PAFAH1B1: variants seen among roughly 807,000 people sequenced by gnomAD.
PAFAH1B1 encodes platelet-activating factor acetylhydrolase IB subunit beta.
PAFAH1B1 carries 2 observed loss-of-function variants against 57.5 expected under a neutral mutation model. The observed-to-expected ratio is 0.03, with a 90% CI of 0.01 to 0.11. The LOEUF is 0.11. Among genes scored for constraint, PAFAH1B1 ranks in the 10% least tolerant of loss-of-function variants. PAFAH1B1 has a pLI of 1.00. For missense variants in PAFAH1B1, 257 were observed against 512.0 expected, an observed-to-expected ratio of 0.50 and a Z score of 4.81; for synonymous variants, 152 against 169.6, an observed-to-expected ratio of 0.90 and a Z score of 0.81.
Position 2,599,656 on chromosome 17 carries a change from A to G in PAFAH1B1, c.-191+5650A>G, listed in dbSNP as rs74615103. On this transcript the variant is annotated intron_variant, in intron 1 of 10. Coordinates refer to ENST00000397195, the MANE Select transcript of PAFAH1B1 (RefSeq NM_000430.4). Reference sequence around the variant, plus strand: ...CAAGAGAATTAAGGTGATGGAGGAAAGAGTGGCTGCATTTCGTATACAGAG... The same window carrying G: ...CAAGAGAATTAAGGTGATGGAGGAAGGAGTGGCTGCATTTCGTATACAGAG... Among the ~76,000 whole-genome samples the G allele has an allele frequency of 6.6e-3, 999 of 152,338 alleles. 16 individuals are homozygous for G. The highest frequency in any genetic ancestry group is 0.022 in the African/African-American group (927 of 41,568).
rs1007661026 is a variant in PAFAH1B1 at position 2,638,221 on chromosome 17, A to G, written c.-68A>G. On this transcript the variant is annotated 5_prime_UTR_variant, in exon 2 of 11. Transcript: ENST00000397195. ...ATTTAAATTATAAGTCCACGGATCA[A>G]AAAGCTTTTTGATTTCCCAAAGGAG... The G allele has an allele frequency of 1.6e-5, 21 of 1,351,678 alleles. No homozygotes were observed. Among genetic ancestry groups the G allele is most frequent in the Middle Eastern group, 2.5e-4 (1 of 4,000 alleles). 83.7% of individuals were successfully genotyped at this position (1,351,678 alleles called of 1,614,324 possible). A position where few individuals can be genotyped will look rare whatever the true frequency, so the allele number is the denominator to read the frequency against.
chr17:2,615,429 A>G (rs1313081244), intron 1 of PAFAH1B1, among the ~76,000 whole-genome samples: 1 of 152,170 alleles, frequency 6.6e-6, no homozygotes, highest in Admixed American at 6.6e-5. Flanking sequence ...CGAAGACAAA[A>G]GTAGGAAACT....
At chr17:2,638,374 T>C in intron 2 of PAFAH1B1, 54 bp downstream of exon 2, 24 of 1,445,626 alleles carry the variant, frequency 1.7e-5, no homozygotes, top group Non-Finnish European at 2.3e-5. Flanking sequence ...AGAGAGAAAG[T>C]AGTAAATTAA....
At chr17:2,645,488 G>A (rs933571885) in intron 2 of PAFAH1B1, among the ~76,000 whole-genome samples, 5 of 151,550 alleles carry the variant, frequency 3.3e-5, no homozygotes, top group African/African-American at 1.2e-4. Flanking sequence ...AGCTAGTCGG[G>A]AGGCTGAGGC....
intron 2 of PAFAH1B1, among the ~76,000 whole-genome samples, chr17:2,653,896 C>G (rs918440393): frequency 1.3e-5 from 2 of 152,110 alleles, no homozygotes; most frequent in Admixed American, 1.3e-4. Context: ...GCAACCTCCA[C>G]CTCCTGGGTT....
At chr17:2,622,679 A>G (rs1234514522) in intron 1 of PAFAH1B1, among the ~76,000 whole-genome samples, 2 of 151,946 alleles carry the variant, frequency 1.3e-5, no homozygotes, top group Non-Finnish European at 2.9e-5. Context: ...CGGTGGATCT[A>G]CCATTCTGGG....
At chr17:2,652,281 G>A (rs574820760) in intron 2 of PAFAH1B1, among the ~76,000 whole-genome samples, 21 of 152,002 alleles carry the variant, frequency 1.4e-4, no homozygotes, top group African/African-American at 3.1e-4. Flanking sequence ...CGGGCGTGGT[G>A]GCGGGTGCCT....
intron 2 of PAFAH1B1, chr17:2,640,237 G>T (rs1055936160): frequency 2.0e-5 from 3 of 151,958 alleles, no homozygotes; most frequent in Non-Finnish European, 4.4e-5. Flanking sequence ...CCATATTCCA[G>T]TTTTATCAGT....
At chr17:2,630,050 A>G (rs1168457246) in intron 1 of PAFAH1B1, among the ~76,000 whole-genome samples, 2 of 152,174 alleles carry the variant, frequency 1.3e-5, no homozygotes, top group African/African-American at 4.8e-5. Context: ...GCAGTTCTGC[A>G]TCTTTTAAGT....
At chr17:2,644,880 T>G (rs1463985454) in intron 2 of PAFAH1B1, among the ~76,000 whole-genome samples, 1 of 152,118 alleles carries the variant, frequency 6.6e-6, no homozygotes, top group African/African-American at 2.4e-5. Flanking sequence ...TTAATTTGAA[T>G]AAAAATAAAG....
chr17:2,681,693 T>G, intron 10 of PAFAH1B1, 36 bp from the exon 11 acceptor site: 2 of 1,532,012 alleles, frequency 1.3e-6, no homozygotes, highest in African/African-American at 1.4e-5. Context: ...CAGGCTTACG[T>G]GTGAGTTTTA....
intron 9 of PAFAH1B1, among the ~76,000 whole-genome samples, chr17:2,677,531 T>G (rs1264586562): frequency 2.0e-5 from 3 of 152,184 alleles, no homozygotes; most frequent in Non-Finnish European, 4.4e-5. Context: ...GACAGACATA[T>G]GTGGAAGCAT....
chr17:2,660,757 G>A (rs1282252021), intron 2 of PAFAH1B1, among the ~76,000 whole-genome samples: 1 of 152,112 alleles, frequency 6.6e-6, no homozygotes, highest in Non-Finnish European at 1.5e-5. Context: ...ATTCCTTTGG[G>A]TATATACCCA....
chr17:2,675,634 C>CT (rs11397532), intron 8 of PAFAH1B1, among the ~76,000 whole-genome samples: 67,866 of 145,766 alleles, frequency 0.47, 16,126 homozygotes, highest in East Asian at 0.6. Flanking sequence ...CTACAGAAAA[C>CT]TTTTTTTTTT....
intron 1 of PAFAH1B1, among the ~76,000 whole-genome samples, 182 bp downstream of exon 1, chr17:2,594,188 C>T (rs1450509929): frequency 1.3e-5 from 2 of 152,068 alleles, no homozygotes; most frequent in South Asian, 2.1e-4. Context: ...AAATGGCGGC[C>T]GCGACGGCCG....
intron 2 of PAFAH1B1, among the ~76,000 whole-genome samples, chr17:2,655,685 T>C (rs1016938624): frequency 7.9e-5 from 12 of 152,076 alleles, no homozygotes; most frequent in Admixed American, 6.6e-4. Context: ...GGAGATTCTT[T>C]TGTAGTTGCT....
intron 1 of PAFAH1B1, among the ~76,000 whole-genome samples, chr17:2,615,543 C>G (rs761687571): frequency 1.3e-5 from 2 of 151,934 alleles, no homozygotes; most frequent in Non-Finnish European, 2.9e-5. Flanking sequence ...CGGGTTCAAG[C>G]GATTCTCCTG....
At chr17:2,606,233 C>T (rs2068202938) in intron 1 of PAFAH1B1, among the ~76,000 whole-genome samples, 2 of 152,166 alleles carry the variant, frequency 1.3e-5, no homozygotes, top group Non-Finnish European at 1.5e-5. Flanking sequence ...CAAAATTCTT[C>T]ACAGGAGGGC....
rs2069454272 is a variant in PAFAH1B1, at chr17:2,685,055, T to C, written c.*3253T>C. On this transcript the variant is annotated 3_prime_UTR_variant, in exon 11 of 11. Transcript: ENST00000397195. ...AAGGCACTTAAATTGGTTACTTTCA[T>C]GTCCAGCTGTATATAAGTCCAGTGT... is the stretch of plus-strand genomic sequence containing the variant. 2 of 152,054 alleles carry C rather than the reference T, an allele frequency of 1.3e-5. No homozygotes were observed. The allele number at this position is 152,054 out of a possible 1,614,324, so 9.4% of individuals were successfully genotyped here.
Sources: gnomAD v4.1 joint callset for allele counts (sites outside exome capture counted in the v4.1 genomes callset) on GRCh38, gnomAD v4.1.1 for gene constraint, MANE v1.5 for transcripts, NCBI Gene and HGNC (gene_info 2026-07-23, HGNC 2026-07-21) for gene names.